ACOXL: variants seen among roughly 807,000 people sequenced by gnomAD.
ACOXL encodes acyl-coenzyme A oxidase-like protein.
In ACOXL, 70 loss-of-function variants were observed where a neutral mutation model predicts 71.9. That is an observed-to-expected ratio of 0.97 (90% CI 0.80 to 1.19). The LOEUF (loss-of-function observed/expected upper bound fraction) is 1.19, where lower values mean the gene tolerates loss of function less well. Ranked by LOEUF, ACOXL falls within the 50% of genes most tolerant of loss-of-function variation. ACOXL has a pLI of 0.00. For synonymous variants in ACOXL, 253 were observed against 281.6 expected, an observed-to-expected ratio of 0.90 and a Z score of 1.02; for missense variants, 703 against 736.3, an observed-to-expected ratio of 0.95 and a Z score of 0.52.
chr2:110,765,611 G>A, intron 1 of ACOXL, among the ~76,000 whole-genome samples: 1 of 152,184 alleles, frequency 6.6e-6, no homozygotes, highest in East Asian at 1.9e-4. Context: ...GGAAGTCCAA[G>A]ATCAAGGTGC....
chr2:111,089,210 G>T (rs13402692), intron 16 of ACOXL, among the ~76,000 whole-genome samples: 1 of 152,194 alleles, frequency 6.6e-6, no homozygotes, highest in Non-Finnish European at 1.5e-5. Flanking sequence ...TGAGAAAGGA[G>T]AATCGCTTGA....
chr2:111,040,406 C>G (rs2065726111), intron 15 of ACOXL, among the ~76,000 whole-genome samples: 1 of 152,184 alleles, frequency 6.6e-6, no homozygotes, highest in Non-Finnish European at 1.5e-5. Context: ...CTCAGTTATC[C>G]TTCGGAAACA....
At chr2:110,977,761 GA>G in intron 12 of ACOXL, among the ~76,000 whole-genome samples, 1 of 152,294 alleles carries the variant, frequency 6.6e-6, no homozygotes, top group Non-Finnish European at 1.5e-5. Flanking sequence ...CTGCTCCCCA[GA>G]ATTTGATTTT....
intron 17 of ACOXL, chr2:111,094,359 TC>T (rs2068696635): frequency 6.6e-6 from 1 of 152,240 alleles, no homozygotes; most frequent in Non-Finnish European, 1.5e-5. Context: ...TTTGTCTTGG[TC>T]CATTTTTTGC....
At chr2:110,932,453 G>T (rs1202369212) in intron 11 of ACOXL, among the ~76,000 whole-genome samples, 1 of 152,034 alleles carries the variant, frequency 6.6e-6, no homozygotes, top group Non-Finnish European at 1.5e-5. Context: ...GCAAAAATAG[G>T]CATGAGGTTT....
At chr2:110,763,338 A>G (rs1680643324) in intron 1 of ACOXL, among the ~76,000 whole-genome samples, 1 of 152,252 alleles carries the variant, frequency 6.6e-6, no homozygotes, top group Admixed American at 6.5e-5. Context: ...AGAACAGACA[A>G]ATGGATCAAT....
At chr2:110,862,271 G>T (rs1289021795) in intron 10 of ACOXL, among the ~76,000 whole-genome samples, 1 of 152,122 alleles carries the variant, frequency 6.6e-6, no homozygotes, top group Non-Finnish European at 1.5e-5. Context: ...AGTTTAATTT[G>T]ATTAGGATTT....
chr2:111,079,788 C>A (rs1350946090), intron 16 of ACOXL, among the ~76,000 whole-genome samples: 1 of 150,302 alleles, frequency 6.7e-6, no homozygotes. Context: ...TACCCAGAAC[C>A]AGAGCCCATA....
chr2:110,965,191 G>A (rs1359271580), intron 12 of ACOXL, among the ~76,000 whole-genome samples: 1 of 152,078 alleles, frequency 6.6e-6, no homozygotes, highest in Non-Finnish European at 1.5e-5. Flanking sequence ...TCCATTATGT[G>A]TATATACCAT....
intron 2 of ACOXL, among the ~76,000 whole-genome samples, chr2:110,779,555 C>T (rs1222285317): frequency 1.3e-5 from 2 of 152,192 alleles, no homozygotes; most frequent in Non-Finnish European, 2.9e-5. Context: ...AGAAGACTCA[C>T]TACATGACTT....
At chr2:110,984,120 A>G (rs149974028) in intron 12 of ACOXL, among the ~76,000 whole-genome samples, 1,812 of 152,286 alleles carry the variant, frequency 0.012, 11 homozygotes, top group Non-Finnish European at 0.017. Context: ...TGCTGGGATT[A>G]CAGGCGTGCA....
chr2:110,870,446 C>T (rs182170326), intron 10 of ACOXL, among the ~76,000 whole-genome samples: 16 of 151,820 alleles, frequency 1.1e-4, no homozygotes, highest in African/African-American at 3.4e-4. Context: ...CAGAAGTGGA[C>T]TGAATTCCAG....
At chr2:110,773,988 C>A (rs1400950553) in intron 2 of ACOXL, among the ~76,000 whole-genome samples, 1 of 152,212 alleles carries the variant, frequency 6.6e-6, no homozygotes, top group Non-Finnish European at 1.5e-5. Flanking sequence ...GATTCCAGTG[C>A]AGCTGGAATC....
rs1313892397 is a variant in ACOXL at position 110,968,513 on chromosome 2, C to T, written c.1060-18595C>T. The T allele has an allele frequency of 2.3e-6, 3 of 1,294,324 alleles. No homozygotes were observed. The East Asian group carries it at 7.0e-5, about 30-fold the overall frequency. The allele number at this position is 1,294,324 out of a possible 1,614,324, so 80.2% of individuals were successfully genotyped here. A position where few individuals can be genotyped will look rare whatever the true frequency, so the allele number is the denominator to read the frequency against. ...TACAAGAAACAGTTCTCTCAATACA[C>T]AAAGAACAGCGTAACTCCAGACATG... is the stretch of plus-strand genomic sequence containing the variant. On this transcript the variant is annotated intron_variant, in intron 12 of 17. Coordinates refer to ENST00000439055, the MANE Select transcript of ACOXL (RefSeq NM_001142807.4).
At chr2:110,993,550 G>T (rs2063268544) in intron 13 of ACOXL, among the ~76,000 whole-genome samples, 1 of 152,184 alleles carries the variant, frequency 6.6e-6, no homozygotes, top group Non-Finnish European at 1.5e-5. Context: ...CACCTGGGAT[G>T]TTTGCTGTTT....
At chr2:110,865,823 G>T (rs1309775801) in intron 10 of ACOXL, among the ~76,000 whole-genome samples, 1 of 149,928 alleles carries the variant, frequency 6.7e-6, no homozygotes, top group Non-Finnish European at 1.5e-5. Flanking sequence ...TCTATCCATT[G>T]TCCTACAACT....
chr2:110,944,082 C>T (rs2061002887), intron 12 of ACOXL, among the ~76,000 whole-genome samples: 2 of 151,922 alleles, frequency 1.3e-5, no homozygotes, highest in South Asian at 2.1e-4. Flanking sequence ...TTTTTTGAGA[C>T]AGTCTTGCTC....
At chr2:110,818,838 ACCCTG>A in intron 9 of ACOXL, among the ~76,000 whole-genome samples, 3 of 64,400 alleles carry the variant, frequency 4.7e-5, no homozygotes, top group Non-Finnish European at 1.0e-4. Context: ...TGATGTCAGC[ACCCTG>A]GGAGCACACG....
intron 1 of ACOXL, among the ~76,000 whole-genome samples, chr2:110,764,003 A>C (rs1026365897): frequency 2.0e-5 from 3 of 152,218 alleles, no homozygotes. Flanking sequence ...ATATCACTAC[A>C]TGTCTGTTAG....
Sources: gnomAD v4.1 joint callset for allele counts (sites outside exome capture counted in the v4.1 genomes callset) on GRCh38, gnomAD v4.1.1 for gene constraint, MANE v1.5 for transcripts, NCBI Gene and HGNC (gene_info 2026-07-23, HGNC 2026-07-21) for gene names.